Variants in HEMK2 observed in about 807,000 individuals in gnomAD.
The protein encoded by HEMK2 is HemK methyltransferase 2, ETF1 glutamine and histone H4 lysine, also known as methyltransferase HEMK2.
the HEMK2 span, among the ~76,000 whole-genome samples, chr21:28,831,462 C>CGAACGAAAGAAA: frequency 8.0e-4 from 19 of 23,650 alleles, no homozygotes; most frequent in African/African-American, 1.3e-3. Flanking sequence ...AAGAAAAGAA[C>CGAACGAAAGAAA]GAAAGAAAGA....
At chr21:28,648,677 C>A in the HEMK2 span, among the ~76,000 whole-genome samples, 1 of 152,172 alleles carries the variant, frequency 6.6e-6, no homozygotes. Context: ...CATTAAAGAA[C>A]CCACTCACCA....
the HEMK2 span, among the ~76,000 whole-genome samples, chr21:28,644,476 A>G: frequency 6.6e-6 from 1 of 152,178 alleles, no homozygotes; most frequent in Admixed American, 6.5e-5. Flanking sequence ...GCAAAGAAAT[A>G]TGGAAAATGT....
the HEMK2 span, among the ~76,000 whole-genome samples, chr21:28,685,916 G>A: frequency 1.3e-5 from 2 of 152,168 alleles, no homozygotes; most frequent in African/African-American, 4.8e-5. Context: ...ACAGAGGCTG[G>A]GAGACAGGGT....
chr21:28,680,568 T>C, the HEMK2 span, among the ~76,000 whole-genome samples: 1 of 152,164 alleles, frequency 6.6e-6, no homozygotes, highest in South Asian at 2.1e-4. Context: ...AGCATCATCC[T>C]GATACCAAAG....
chr21:28,839,346 A>C, the HEMK2 span, among the ~76,000 whole-genome samples: 1 of 152,152 alleles, frequency 6.6e-6, no homozygotes, highest in Non-Finnish European at 1.5e-5. Flanking sequence ...CTCCTCTTCA[A>C]CATAGTACTG....
At chr21:28,842,734 AT>A in the HEMK2 span, among the ~76,000 whole-genome samples, 1,711 of 152,270 alleles carry the variant, frequency 0.011, 46 homozygotes, top group African/African-American at 0.04. Flanking sequence ...CCAATGATTT[AT>A]TTCAGGTGAT....
the HEMK2 span, among the ~76,000 whole-genome samples, chr21:28,740,509 A>C: frequency 6.6e-6 from 1 of 152,198 alleles, no homozygotes; most frequent in Non-Finnish European, 1.5e-5. Flanking sequence ...TTTATGAATT[A>C]ATCCATGCAA....
the HEMK2 span, among the ~76,000 whole-genome samples, chr21:28,867,672 G>C: frequency 6.6e-6 from 1 of 152,128 alleles, no homozygotes; most frequent in Middle Eastern, 3.2e-3. Flanking sequence ...GTTTCCCCTT[G>C]CCTCAAGTCT....
At chr21:28,820,614 G>T in the HEMK2 span, among the ~76,000 whole-genome samples, 1 of 152,080 alleles carries the variant, frequency 6.6e-6, no homozygotes, top group Non-Finnish European at 1.5e-5. Flanking sequence ...TGGAATATTG[G>T]ACAATCACTC....
chr21:28,619,656 A>C, the HEMK2 span, among the ~76,000 whole-genome samples: 2 of 152,166 alleles, frequency 1.3e-5, no homozygotes, highest in African/African-American at 4.8e-5. Flanking sequence ...TCCTTTAAAA[A>C]AATTGTTTGG....
At chr21:28,747,340 T>C in the HEMK2 span, among the ~76,000 whole-genome samples, 2 of 152,184 alleles carry the variant, frequency 1.3e-5, no homozygotes, top group African/African-American at 4.8e-5. Flanking sequence ...AATGTACTTA[T>C]CTGTAAAAAT....
the HEMK2 span, among the ~76,000 whole-genome samples, chr21:28,578,679 T>C: frequency 1.3e-5 from 2 of 152,176 alleles, no homozygotes; most frequent in East Asian, 1.9e-4. Flanking sequence ...TACTCAGGGA[T>C]AAGCAGAAAC....
At chr21:28,690,289 T>C in the HEMK2 span, among the ~76,000 whole-genome samples, 11 of 152,086 alleles carry the variant, frequency 7.2e-5, no homozygotes, top group Non-Finnish European at 1.5e-4. Context: ...TCCTAGATAA[T>C]AGCCATCAAT....
At chr21:28,876,409 T>C in the HEMK2 span, 1 of 1,611,152 alleles carries the variant, frequency 6.2e-7, no homozygotes, top group Non-Finnish European at 8.5e-7. Context: ...ACTTGAGGAC[T>C]GAAAGAGTTT....
chr21:28,740,702 A>T, the HEMK2 span, among the ~76,000 whole-genome samples: 1 of 152,198 alleles, frequency 6.6e-6, no homozygotes, highest in Non-Finnish European at 1.5e-5. Flanking sequence ...AGTTTACAAG[A>T]TTGAATTCCT....
chr21:28,607,239 C>T, the HEMK2 span, among the ~76,000 whole-genome samples: 6 of 151,950 alleles, frequency 3.9e-5, no homozygotes, highest in African/African-American at 1.5e-4. Context: ...GGTGCAACCC[C>T]GTCTCTACTA....
At chr21:28,778,540 C>G in the HEMK2 span, among the ~76,000 whole-genome samples, 3 of 152,158 alleles carry the variant, frequency 2.0e-5, no homozygotes, top group African/African-American at 7.2e-5. Flanking sequence ...ATTTTATATT[C>G]CCACCAGCTA....
chr21:28,878,459 C>T, the HEMK2 span: 1 of 997,568 alleles, frequency 1.0e-6, no homozygotes, highest in Non-Finnish European at 1.5e-6. Context: ...GACGAAGGAG[C>T]AGTCAAGTTG....
At chr21:28,701,759 A>G in the HEMK2 span, among the ~76,000 whole-genome samples, 17 of 152,332 alleles carry the variant, frequency 1.1e-4, no homozygotes, top group African/African-American at 4.1e-4. Flanking sequence ...ATATTGCCCA[A>G]AGCAATTTAC....
Sources: allele counts gnomAD v4.1 joint callset (sites outside exome capture counted in the v4.1 genomes callset), GRCh38; gene constraint gnomAD v4.1.1; transcripts MANE v1.5; gene names NCBI Gene and HGNC (gene_info 2026-07-23, HGNC 2026-07-21).